The following TMPRSS7 variants were observed in gnomAD, a reference collection of about 807,000 sequenced individuals.
TMPRSS7 encodes the protein transmembrane serine protease 7.
Under a neutral mutation model 95.6 loss-of-function variants are expected in TMPRSS7, and 81 were observed. That is an observed-to-expected ratio of 0.85 (90% CI 0.71 to 1.02). The LOEUF is 1.02. Ranked by LOEUF, TMPRSS7 falls within the 50% of genes least tolerant of loss-of-function variation. TMPRSS7 has a pLI of 0.00. For synonymous variants in TMPRSS7, 364 were observed against 337.8 expected (o/e 1.08, Z -0.85); for missense variants, 945 against 955.2 (o/e 0.99, Z 0.14).
chr3:112,062,461 G>A (rs1421779356), intron 11 of TMPRSS7, among the ~76,000 whole-genome samples: 1 of 152,122 alleles, frequency 6.6e-6, no homozygotes, highest in African/African-American at 2.4e-5. Context: ...TGTGAGGGAA[G>A]TCATTAGAAC....
intron 8 of TMPRSS7, among the ~76,000 whole-genome samples, chr3:112,050,264 G>C (rs542690237): frequency 1.3e-5 from 2 of 152,202 alleles, no homozygotes; most frequent in South Asian, 2.1e-4. Context: ...CATCCCTAAG[G>C]CTGGGTGAAC....
At chr3:112,072,509 A>G (rs891061490) in intron 13 of TMPRSS7, among the ~76,000 whole-genome samples, 3 of 152,254 alleles carry the variant, frequency 2.0e-5, no homozygotes, top group Non-Finnish European at 2.9e-5. Flanking sequence ...TAGAGCTGTC[A>G]GAGTGGAACG....
In TMPRSS7 at chr3:112,045,740, T is replaced by A. The variant is rs2107739505; in HGVS notation, c.498-10T>A. ...TGAGGTCCCTGATGATCTCTCTTTTTTCGTTATAGCAGCAACAACAAAGGC... is the reference window on the plus strand; with the variant it reads ...TGAGGTCCCTGATGATCTCTCTTTTATCGTTATAGCAGCAACAACAAAGGC... On this transcript the variant is annotated splice_polypyrimidine_tract_variant and intron_variant, in intron 4 of 17. Coordinates refer to ENST00000452346, the Ensembl canonical transcript of TMPRSS7. The A allele has an allele frequency of 6.5e-7, 1 of 1,541,550 alleles. No homozygotes were observed. Among genetic ancestry groups the A allele is most frequent in the South Asian group, 1.2e-5 (1 of 82,426 alleles).
At chr3:112,076,727 C>T (rs1339457070) in intron 15 of TMPRSS7, 149 bp from the exon 16 acceptor site, 7 of 909,132 alleles carry the variant, frequency 7.7e-6, no homozygotes, top group Non-Finnish European at 1.0e-5. Context: ...ACGCTTTCTG[C>T]CATGGTCCCC....
chr3:112,061,943 C>T lies in TMPRSS7; in HGVS notation c.1447+20C>T. The T allele has an allele frequency of 1.3e-6, 2 of 1,576,346 alleles. No individual in the cohort carries two copies. The highest frequency in any genetic ancestry group is 1.4e-5 in the African/African-American group (1 of 74,024). On this transcript the variant is annotated intron_variant, in intron 11 of 17. Transcript: ENST00000452346. Reference sequence around the variant, plus strand: ...GTCAACGTAAGCCTAGGATCACCTCCTTAGGAAAACTTAATACTTACATAG... The same window carrying T: ...GTCAACGTAAGCCTAGGATCACCTCTTTAGGAAAACTTAATACTTACATAG...
chr3:112,057,520 G>A (rs1404643999), intron 10 of TMPRSS7, among the ~76,000 whole-genome samples: 2 of 152,162 alleles, frequency 1.3e-5, no homozygotes, highest in East Asian at 1.9e-4. Flanking sequence ...TGGCCTGGCT[G>A]GATCCTGAGA....
chr3:112,047,895 C>A, exon 7 of TMPRSS7: 2 of 1,614,052 alleles, frequency 1.2e-6, no homozygotes, highest in Non-Finnish European at 1.7e-6. Context: ...CAAATCGAAG[C>A]CGACAACTGT....
At chr3:112,063,431 C>T (rs56154908) in intron 11 of TMPRSS7, 94 bp from the exon 12 acceptor site, 1 of 917,448 alleles carries the variant, frequency 1.1e-6, no homozygotes, top group Non-Finnish European at 1.8e-6. Context: ...TGCCAACTCC[C>T]TAACCACTTC....
intron 5 of TMPRSS7, among the ~76,000 whole-genome samples, chr3:112,046,330 C>T (rs566647574): frequency 1.3e-5 from 2 of 152,066 alleles, no homozygotes; most frequent in Non-Finnish European, 2.9e-5. Flanking sequence ...TAATGTTGTC[C>T]AACACTCCAA....
chr3:112,073,792 G>A (rs2107761898), intron 13 of TMPRSS7, among the ~76,000 whole-genome samples: 1 of 152,274 alleles, frequency 6.6e-6, no homozygotes, highest in Non-Finnish European at 1.5e-5. Context: ...AGGACCTGAT[G>A]TAGAGGAACT....
intron 2 of TMPRSS7, among the ~76,000 whole-genome samples, chr3:112,041,383 A>G (rs1283770774): frequency 6.6e-6 from 1 of 152,142 alleles, no homozygotes; most frequent in Non-Finnish European, 1.5e-5. Flanking sequence ...GCCATCATTT[A>G]TTTAGCATTT....
intron 17 of TMPRSS7, among the ~76,000 whole-genome samples, 155 bp from the exon 18 acceptor site, chr3:112,080,759 C>T (rs2073769450): frequency 6.6e-6 from 1 of 152,182 alleles, no homozygotes; most frequent in African/African-American, 2.4e-5. Flanking sequence ...AGAAGTTTCA[C>T]ATTAGTTTTT....
At chr3:112,050,509 A>G (rs2073330735) in intron 8 of TMPRSS7, among the ~76,000 whole-genome samples, 162 bp from the exon 9 acceptor site, 1 of 105,592 alleles carries the variant, frequency 9.5e-6, no homozygotes, top group African/African-American at 3.3e-5. Flanking sequence ...GTAGGGTGGC[A>G]TTCCTTTCTT....
Position 112,074,384 on chromosome 3 carries a change from T to A in TMPRSS7, c.1755T>A (p.Cys585Ter). 1 of 1,613,614 alleles carries A rather than the reference T, an allele frequency of 6.2e-7. No homozygotes were observed. Among genetic ancestry groups the A allele is most frequent in the East Asian group, 2.2e-5 (1 of 44,832 alleles). Residue 585 changes from cysteine (C) to a stop codon, truncating the protein, a stop_gained, in exon 14 of 18, where the codon TGT (cysteine) becomes TGA (stop). Transcript: ENST00000452346. LOFTEE classifies it high-confidence loss of function. ...CAAAATGTGATGGGACAGTGGATTG[T>A]CCAGATGGAAGTGATGAAGAAGGCT...
intron 9 of TMPRSS7, 66 bp from the exon 10 acceptor site, chr3:112,056,959 A>G (rs1293503298): frequency 1.7e-6 from 2 of 1,162,174 alleles, no homozygotes; most frequent in African/African-American, 3.1e-5. Flanking sequence ...ACAACAAGCC[A>G]AGGGAATAAG....
At chr3:112,077,038 G>C (rs2073719717) in exon 16 of TMPRSS7, 9 of 1,614,076 alleles carry the variant, frequency 5.6e-6, no homozygotes, top group Non-Finnish European at 7.6e-6. Context: ...CCTGGCCTGA[G>C]ACCCTGAAAC....
chr3:112,068,076 T>C (rs2073597982), intron 13 of TMPRSS7, among the ~76,000 whole-genome samples: 1 of 152,226 alleles, frequency 6.6e-6, no homozygotes, highest in Non-Finnish European at 1.5e-5. Context: ...ATTTATTAAA[T>C]AGGGAATCCT....
chr3:112,075,300 C>A, intron 14 of TMPRSS7, 21 bp from the exon 15 acceptor site: 1 of 1,388,512 alleles, frequency 7.2e-7, no homozygotes, highest in South Asian at 1.9e-5. Context: ...CTTTAAATCA[C>A]ATGCCCTTTC....
intron 5 of TMPRSS7, 35 bp downstream of exon 5, chr3:112,045,978 C>G (rs749652729): frequency 7.4e-6 from 11 of 1,493,264 alleles, no homozygotes; most frequent in Non-Finnish European, 1.0e-5. Context: ...AGCATTCCTT[C>G]CTGCAGGACT....
Sources: gnomAD v4.1 joint callset for allele counts (sites outside exome capture counted in the v4.1 genomes callset) on GRCh38, gnomAD v4.1.1 for gene constraint, MANE v1.5 for transcripts, NCBI Gene and HGNC (gene_info 2026-07-23, HGNC 2026-07-21) for gene names.